FERMT2: variants seen among roughly 807,000 people sequenced by gnomAD.
FERMT2 encodes the protein FERM domain containing kindlin 2, also known as fermitin family homolog 2.
In FERMT2, 15 loss-of-function variants were observed where a neutral mutation model predicts 82.7. The ratio of observed to expected loss-of-function variants is 0.18; its 90% confidence interval spans 0.12 to 0.28. FERMT2 has a LOEUF of 0.28. Ranked by LOEUF, FERMT2 falls within the 10% of genes least tolerant of loss-of-function variation. FERMT2 has a pLI of 1.00. For synonymous variants in FERMT2, 274 were observed against 271.5 expected (o/e 1.01, Z -0.09); for missense variants, 645 against 809.4 (o/e 0.80, Z 2.46).
At chr14:52,950,611 T>C in intron 1 of FERMT2, 34 bp from the exon 2 acceptor site, 2 of 1,603,032 alleles carry the variant, frequency 1.2e-6, no homozygotes, top group Non-Finnish European at 8.5e-7. Context: ...CTCGTAAGCG[T>C]CACTCCCCCA....
chr14:52,886,900 T>A (rs1886644729), intron 4 of FERMT2, among the ~76,000 whole-genome samples: 1 of 152,178 alleles, frequency 6.6e-6, no homozygotes, highest in African/African-American at 2.4e-5. Context: ...CTTGAGTTTA[T>A]GATAAAGAGA....
chr14:52,865,653 G>A (rs925620933), intron 10 of FERMT2, among the ~76,000 whole-genome samples: 1 of 152,130 alleles, frequency 6.6e-6, no homozygotes, highest in African/African-American at 2.4e-5. Flanking sequence ...AAAGCACAAT[G>A]TCATATGATC....
At chr14:52,890,714 C>T (rs1248847639) in intron 4 of FERMT2, among the ~76,000 whole-genome samples, 8 of 151,726 alleles carry the variant, frequency 5.3e-5, no homozygotes, top group African/African-American at 1.9e-4. Flanking sequence ...AGCGATTCTC[C>T]TGCCTCAGCC....
intron 2 of FERMT2, among the ~76,000 whole-genome samples, chr14:52,942,938 C>CGTG (rs1181033585): frequency 6.6e-5 from 10 of 152,094 alleles, no homozygotes; most frequent in Admixed American, 1.3e-4. Flanking sequence ...CTTGGCCAGG[C>CGTG]GTGGTGGCTG....
At chr14:52,912,589 C>T (rs982242568) in intron 3 of FERMT2, among the ~76,000 whole-genome samples, 8 of 150,918 alleles carry the variant, frequency 5.3e-5, no homozygotes, top group African/African-American at 9.8e-5. Context: ...TGGCTCACTG[C>T]GACCTCCACC....
intron 3 of FERMT2, among the ~76,000 whole-genome samples, chr14:52,908,581 T>C (rs1244505129): frequency 6.6e-6 from 1 of 152,162 alleles, no homozygotes; most frequent in Non-Finnish European, 1.5e-5. Context: ...GGATTCCATT[T>C]ATCTAACATT....
At chr14:52,876,520 G>A (rs1885965109) in intron 7 of FERMT2, among the ~76,000 whole-genome samples, 1 of 152,124 alleles carries the variant, frequency 6.6e-6, no homozygotes, top group Non-Finnish European at 1.5e-5. Flanking sequence ...ATGTCTTTAT[G>A]AGTCATACCG....
chr14:52,901,735 A>C (rs71407612), intron 3 of FERMT2, among the ~76,000 whole-genome samples: 1 of 152,158 alleles, frequency 6.6e-6, no homozygotes, highest in Non-Finnish European at 1.5e-5. Flanking sequence ...AAAGAACCAA[A>C]TTCTACCAAG....
chr14:52,878,566 T>G lies in FERMT2; in HGVS notation c.963+16A>C, dbSNP rs945643677. ...CTTTACCGGAATAAGTCCCATTTAC[T>G]AGACCTTTCAACTACCTGCAGGGCT... On this transcript the variant is annotated intron_variant, in intron 7 of 14. Coordinates refer to ENST00000341590, the MANE Select transcript of FERMT2 (RefSeq NM_006832.3). 1 of 1,520,492 alleles carries G rather than the reference T, an allele frequency of 6.6e-7. No homozygotes were observed. The highest frequency in any genetic ancestry group is 9.1e-7 in the Non-Finnish European group (1 of 1,100,164). The allele number at this position is 1,520,492 out of a possible 1,614,324, so 94.2% of individuals were successfully genotyped here. A position where few individuals can be genotyped will look rare whatever the true frequency, so the allele number is the denominator to read the frequency against.
intron 3 of FERMT2, among the ~76,000 whole-genome samples, chr14:52,893,952 C>A: frequency 6.6e-6 from 1 of 152,038 alleles, no homozygotes; most frequent in East Asian, 1.9e-4. Context: ...CCTCAGCCTC[C>A]TGAACAGCTG....
At chr14:52,904,129 C>G (rs958496677) in intron 3 of FERMT2, among the ~76,000 whole-genome samples, 115 of 152,120 alleles carry the variant, frequency 7.6e-4, no homozygotes, top group African/African-American at 2.7e-3. Context: ...GCCTGTAATC[C>G]CAGCACTTTG....
chr14:52,862,426 G>A (rs548772009), intron 12 of FERMT2, among the ~76,000 whole-genome samples: 5 of 152,170 alleles, frequency 3.3e-5, no homozygotes, highest in African/African-American at 1.2e-4. Flanking sequence ...CCAGTGCTTC[G>A]GGAGGCCAAG....
At chr14:52,875,036 C>A (rs140633068) in intron 8 of FERMT2, among the ~76,000 whole-genome samples, 187 bp downstream of exon 8, 57 of 152,310 alleles carry the variant, frequency 3.7e-4, no homozygotes, top group African/African-American at 1.3e-3. Context: ...GCCTGGGCAA[C>A]AGAACGAGAC....
intron 2 of FERMT2, among the ~76,000 whole-genome samples, chr14:52,939,322 G>A (rs1889989366): frequency 1.4e-5 from 2 of 144,234 alleles, no homozygotes; most frequent in African/African-American, 5.1e-5. Context: ...GCAGTGAGCT[G>A]ACAGCACATC....
chr14:52,919,923 A>T (rs1007566266), intron 2 of FERMT2, among the ~76,000 whole-genome samples: 7 of 152,216 alleles, frequency 4.6e-5, no homozygotes, highest in Admixed American at 2.6e-4. Context: ...ATAAAAAAAT[A>T]AAAAACTACA....
At chr14:52,909,528 G>C (rs1268743700) in intron 3 of FERMT2, among the ~76,000 whole-genome samples, 2 of 152,158 alleles carry the variant, frequency 1.3e-5, no homozygotes, top group Admixed American at 6.5e-5. Context: ...TGGCTAATGC[G>C]TGTAATCCCA....
At position 52,950,404 on chromosome 14, in the gene FERMT2, C is replaced by G; in HGVS notation, c.157+8G>C. ...TCATTAGTTGGACGCGGCTGGGATG[C>G]TACTCACCGAGTTTCTCCACCAGCT... On this transcript the variant is annotated splice_region_variant and intron_variant, in intron 2 of 14. Coordinates refer to ENST00000341590, the MANE Select transcript of FERMT2 (RefSeq NM_006832.3). 6.2e-7 allele frequency: 1 copy of G among 1,610,286 alleles called. No individual in the cohort carries two copies. The highest frequency in any genetic ancestry group is 8.5e-7 in the Non-Finnish European group (1 of 1,178,214).
At chr14:52,868,167 A>G (rs1248203910) in intron 10 of FERMT2, among the ~76,000 whole-genome samples, 1 of 151,424 alleles carries the variant, frequency 6.6e-6, no homozygotes, top group Non-Finnish European at 1.5e-5. Flanking sequence ...AGAAGTATTC[A>G]TCCTTCCCCT....
At chr14:52,945,526 T>C (rs1890303843) in intron 2 of FERMT2, among the ~76,000 whole-genome samples, 2 of 152,096 alleles carry the variant, frequency 1.3e-5, no homozygotes, top group Non-Finnish European at 2.9e-5. Flanking sequence ...GGTGCTAGTA[T>C]TACAGGCGTG....
Sources: gnomAD v4.1 joint callset for allele counts (sites outside exome capture counted in the v4.1 genomes callset) on GRCh38, gnomAD v4.1.1 for gene constraint, MANE v1.5 for transcripts, NCBI Gene and HGNC (gene_info 2026-07-23, HGNC 2026-07-21) for gene names.